Variants in RCSD1 observed in about 807,000 individuals in gnomAD.
RCSD1 encodes RCSD domain containing 1, also known as capZ-interacting protein.
RCSD1 carries 26 observed loss-of-function variants against 42.5 expected under a neutral mutation model. That is an observed-to-expected ratio of 0.61 (90% confidence interval 0.45 to 0.85). The LOEUF is 0.85. RCSD1 is among the 40% of genes least tolerant of loss of function. The pLI, the probability that RCSD1 is intolerant of heterozygous loss-of-function variation, is 0.00. For missense variants in RCSD1, 571 were observed against 528.3 expected (o/e 1.08, Z -0.79); for synonymous variants, 220 against 212.2 (o/e 1.04, Z -0.32).
In RCSD1 at chr1:167,683,985, C is replaced by T. The variant is rs369004454; in HGVS notation, c.92C>T (p.Ala31Val). ...CTGGCCGGGCGGTTTAGGGAGCAGG[C>T]GGCTGCAGCCAAGGAGGTGAGTCAG... ...AQLAGRFREQAAAAKETPASK... is the reference protein window; with the variant it reads ...AQLAGRFREQVAAAKETPASK... Residue 31 changes from alanine (A) to valine (V), a missense_variant, in exon 2 of 7, where the codon GCG becomes GTG. Transcript: ENST00000367854. The T allele has an allele frequency of 9.9e-5, 159 of 1,613,456 alleles. No homozygotes were observed. In the Middle Eastern group the frequency reaches 1.2e-3, roughly 12 times the overall value.
intron 1 of RCSD1, among the ~76,000 whole-genome samples, chr1:167,660,495 A>G (rs1658517889): frequency 6.6e-6 from 1 of 151,168 alleles, no homozygotes; most frequent in African/African-American, 2.4e-5. Flanking sequence ...TTTTAGAAAC[A>G]GGGTCTTACT....
At position 167,697,839 on chromosome 1, in the gene RCSD1, G is replaced by A. The variant is rs897999770; in HGVS notation, c.1215G>A (p.Pro405=). Reference sequence around the variant, plus strand: ...AGAGCGAGCCAGCAGTCCCCAAGCCGGAGGTAGGTGGCCTGGCTCGTTCAC... The same window carrying A: ...AGAGCGAGCCAGCAGTCCCCAAGCCAGAGGTAGGTGGCCTGGCTCGTTCAC... ...EVQSEPAVPK[P]EDDTPVQDTK... is the part of the protein sequence containing the mutation. The change falls in exon 6 of 7, where the codon CCG becomes CCA. Residue 405 remains proline (P), a synonymous_variant. Coordinates refer to ENST00000367854, the MANE Select transcript of RCSD1 (RefSeq NM_052862.4). The A allele has an allele frequency of 8.9e-6, 13 of 1,461,140 alleles. No homozygotes were observed. Among genetic ancestry groups the A allele is most frequent in the Admixed American group, 2.8e-5 (1 of 35,228 alleles). 90.5% of individuals were successfully genotyped at this position (1,461,140 alleles called of 1,614,324 possible). A position where few individuals can be genotyped will look rare whatever the true frequency, so the allele number is the denominator to read the frequency against.
At chr1:167,655,939 G>A (rs1241608935) in intron 1 of RCSD1, among the ~76,000 whole-genome samples, 1 of 152,166 alleles carries the variant, frequency 6.6e-6, no homozygotes, top group Admixed American at 6.5e-5. Context: ...TTGCACCAGA[G>A]AAGCCCATTA....
intron 3 of RCSD1, among the ~76,000 whole-genome samples, chr1:167,689,782 A>G (rs1659331645): frequency 6.6e-6 from 1 of 151,904 alleles, no homozygotes; most frequent in South Asian, 2.1e-4. Context: ...CAATGAAGTC[A>G]CTCTTCCTGG....
rs1326625515 is a variant in RCSD1 at position 167,706,183 on chromosome 1, T to G, written c.*1487T>G. ...AAGTAGTTTGTAATTTGTAACAAAC[T>G]TGTAACCTGGTTGGGACTGATATTG... On this transcript the variant is annotated 3_prime_UTR_variant, in exon 7 of 7. Transcript: ENST00000367854. 1 of 152,258 alleles carries G rather than the reference T, an allele frequency of 6.6e-6. No homozygotes were observed. The highest frequency in any genetic ancestry group is 2.4e-5 in the African/African-American group (1 of 41,472). 9.4% of individuals were successfully genotyped at this position (152,258 alleles called of 1,614,324 possible). A position where few individuals can be genotyped will look rare whatever the true frequency, so the allele number is the denominator to read the frequency against.
chr1:167,698,242 C>T (rs1659549731), intron 6 of RCSD1, among the ~76,000 whole-genome samples: 1 of 152,218 alleles, frequency 6.6e-6, no homozygotes, highest in South Asian at 2.1e-4. Context: ...TTCTAAAAAT[C>T]ATCTCAGTTT....
chr1:167,636,357 G>A lies in RCSD1; in HGVS notation c.6+5928G>A, dbSNP rs149788721. ...AGAAGCCTCCAAGCTAGAGCAGTCA[G>A]GTGGGGGCACTGAGAAATTCTGGAC... On this transcript the variant is annotated intron_variant, in intron 1 of 6. Coordinates refer to ENST00000367854, the MANE Select transcript of RCSD1 (RefSeq NM_052862.4). Among the ~76,000 whole-genome samples, 533 of 152,296 alleles carry A rather than the reference G, an allele frequency of 3.5e-3. 8 individuals are homozygous for A. The highest frequency in any genetic ancestry group is 0.012 in the African/African-American group (509 of 41,544).
intron 1 of RCSD1, among the ~76,000 whole-genome samples, chr1:167,673,981 C>T (rs11590780): frequency 0.16 from 24,684 of 152,204 alleles, 2,095 homozygotes; most frequent in Middle Eastern, 0.19. Flanking sequence ...TTATGCATTT[C>T]CCAATTGCAG....
intron 1 of RCSD1, among the ~76,000 whole-genome samples, chr1:167,645,291 C>G (rs1312014981): frequency 1.3e-5 from 2 of 152,206 alleles, no homozygotes; most frequent in Non-Finnish European, 2.9e-5. Context: ...ACAGACCTGG[C>G]TTGGAAATAC....
chr1:167,651,195 C>T (rs1359436440), intron 1 of RCSD1, among the ~76,000 whole-genome samples: 1 of 152,176 alleles, frequency 6.6e-6, no homozygotes, highest in African/African-American at 2.4e-5. Flanking sequence ...GGGGTTAGGG[C>T]TTCAACATGG....
At position 167,694,240 on chromosome 1, in the gene RCSD1, G is replaced by T; in HGVS notation, c.412G>T (p.Glu138Ter). Residue 138 changes from glutamate (E) to a stop codon, truncating the protein, a stop_gained, in exon 5 of 7, where the codon GAG becomes TAG. Coordinates refer to ENST00000367854, the MANE Select transcript of RCSD1 (RefSeq NM_052862.4). LOFTEE classifies it high-confidence loss of function. Reference sequence around the variant, plus strand: ...TGTGCGATCTAGGCCCAGCGAGGCAGAGGAGGTGCCTGTCAGCTTCGACCA... The same window carrying T: ...TGTGCGATCTAGGCCCAGCGAGGCATAGGAGGTGCCTGTCAGCTTCGACCA... Reference protein sequence around the residue: ...PGVRSRPSEAEEVPVSFDQPP... With the variant: ...PGVRSRPSEA The T allele has an allele frequency of 6.2e-7, 1 of 1,614,218 alleles. No individual in the cohort carries two copies. Among genetic ancestry groups the T allele is most frequent in the Non-Finnish European group, 8.5e-7 (1 of 1,180,044 alleles).
chr1:167,666,375 G>C (rs1658656430), intron 1 of RCSD1, among the ~76,000 whole-genome samples: 1 of 152,184 alleles, frequency 6.6e-6, no homozygotes, highest in African/African-American at 2.4e-5. Context: ...ACAGTACCTG[G>C]CACAATAATC....
At chr1:167,691,906 G>A (rs1319190026) in intron 4 of RCSD1, among the ~76,000 whole-genome samples, 1 of 152,148 alleles carries the variant, frequency 6.6e-6, no homozygotes, top group African/African-American at 2.4e-5. Flanking sequence ...AGGGATCCCA[G>A]AACTCCAGCA....
At chr1:167,667,236 G>A (rs1184076641) in intron 1 of RCSD1, among the ~76,000 whole-genome samples, 1 of 152,134 alleles carries the variant, frequency 6.6e-6, no homozygotes, top group Non-Finnish European at 1.5e-5. Context: ...ATCCTGCCTT[G>A]AGCATCCCTG....
intron 6 of RCSD1, 33 bp from the exon 7 acceptor site, chr1:167,704,631 T>C (rs1558097331): frequency 2.5e-6 from 4 of 1,602,332 alleles, no homozygotes; most frequent in Non-Finnish European, 2.6e-6. Flanking sequence ...CCTCACCATT[T>C]TCCTAATTAA....
chr1:167,637,080 C>T (rs556000561), intron 1 of RCSD1, among the ~76,000 whole-genome samples: 50 of 152,218 alleles, frequency 3.3e-4, no homozygotes, highest in Non-Finnish European at 6.3e-4. Flanking sequence ...GGAGCATCAG[C>T]CTGGGGCTCA....
At chr1:167,666,753 G>C (rs1311360227) in intron 1 of RCSD1, among the ~76,000 whole-genome samples, 1 of 152,244 alleles carries the variant, frequency 6.6e-6, no homozygotes, top group Non-Finnish European at 1.5e-5. Context: ...GCCATGCCAG[G>C]AGCCTAGCTG....
chr1:167,689,799 C>G (rs368432773), intron 3 of RCSD1, among the ~76,000 whole-genome samples: 1 of 152,150 alleles, frequency 6.6e-6, no homozygotes, highest in Non-Finnish European at 1.5e-5. Flanking sequence ...CTGGGAGAGA[C>G]CTTCTGTGTT....
chr1:167,687,691 C>T (rs573150854), intron 3 of RCSD1, among the ~76,000 whole-genome samples: 1 of 152,326 alleles, frequency 6.6e-6, no homozygotes, highest in South Asian at 2.1e-4. Flanking sequence ...AGGGAGGGAC[C>T]CGGTCAGGCT....
Sources: gnomAD v4.1 joint callset for allele counts (sites outside exome capture counted in the v4.1 genomes callset) on GRCh38, gnomAD v4.1.1 for gene constraint, MANE v1.5 for transcripts, NCBI Gene and HGNC (gene_info 2026-07-23, HGNC 2026-07-21) for gene names.